The following TCF12 variants were observed in gnomAD, a reference collection of about 807,000 sequenced individuals.
TCF12 encodes the protein transcription factor 12.
TCF12 carries 45 observed loss-of-function variants against 86.0 expected under a neutral mutation model. That is an observed-to-expected ratio of 0.52 (90% CI 0.41 to 0.67). The LOEUF is 0.67. Among genes scored for constraint, TCF12 ranks in the 30% least tolerant of loss-of-function variants. The pLI, the probability that TCF12 is intolerant of heterozygous loss-of-function variation, is 0.00. For synonymous variants in TCF12, 330 were observed against 299.6 expected, an observed-to-expected ratio of 1.10 and a Z score of -1.05; for missense variants, 881 against 859.9, an observed-to-expected ratio of 1.02 and a Z score of -0.31.
At chr15:56,947,038 T>A (rs2061033959) in intron 3 of TCF12, among the ~76,000 whole-genome samples, 1 of 152,200 alleles carries the variant, frequency 6.6e-6, no homozygotes, top group South Asian at 2.1e-4. Flanking sequence ...CCTCAAGTGA[T>A]CTGCCTTCCT....
chr15:57,284,309 G>A (rs2061837373), intron 20 of TCF12, among the ~76,000 whole-genome samples: 2 of 152,056 alleles, frequency 1.3e-5, no homozygotes, highest in Admixed American at 6.6e-5. Context: ...CTGGGTTTGA[G>A]CAATTCTTCC....
chr15:56,933,241 A>T (rs2060323736), intron 3 of TCF12, among the ~76,000 whole-genome samples: 1 of 152,272 alleles, frequency 6.6e-6, no homozygotes, highest in Non-Finnish European at 1.5e-5. Flanking sequence ...GTTATCAAAC[A>T]TACAGAAGAT....
At chr15:56,932,726 A>G (rs752390089) in intron 3 of TCF12, among the ~76,000 whole-genome samples, 2 of 151,836 alleles carry the variant, frequency 1.3e-5, no homozygotes, top group Non-Finnish European at 2.9e-5. Flanking sequence ...CTGCCACCAC[A>G]CTTATTTTTG....
Position 57,202,821 on chromosome 15 carries a change from A to T in TCF12, c.579+4996A>T, listed in dbSNP as rs1027082118. 2.0e-5 allele frequency among the ~76,000 whole-genome samples: 3 copies of T among 152,220 alleles called. No individual in the cohort carries two copies. The East Asian group carries it at 5.8e-4, about 29-fold the overall frequency. The stretch of plus-strand genomic sequence containing the variant: ...GTTTCTATTTGTAAAAGGGGATGAT[A>T]ATGCCTATCTCAGATGTTATTGTGA... On this transcript the variant is annotated intron_variant, in intron 8 of 20. Coordinates refer to ENST00000333725, the MANE Select transcript of TCF12 (RefSeq NM_207037.2).
At chr15:56,990,220 A>G (rs951578140) in intron 3 of TCF12, among the ~76,000 whole-genome samples, 7 of 140,200 alleles carry the variant, frequency 5.0e-5, no homozygotes, top group African/African-American at 1.9e-4. Flanking sequence ...TTTCCAGTTA[A>G]TCTTTATCGT....
intron 16 of TCF12, 127 bp downstream of exon 16, chr15:57,253,595 T>C (rs2060215917): frequency 2.7e-6 from 3 of 1,124,884 alleles, no homozygotes. Context: ...GAATTTTCTT[T>C]ACTGTCTTTG....
At chr15:57,050,975 A>C (rs1321938588) in intron 3 of TCF12, among the ~76,000 whole-genome samples, 1 of 152,118 alleles carries the variant, frequency 6.6e-6, no homozygotes, top group African/African-American at 2.4e-5. Flanking sequence ...TTATTCCACC[A>C]TCTTTGTCAT....
At chr15:56,978,494 A>G (rs899179885) in intron 3 of TCF12, among the ~76,000 whole-genome samples, 3 of 152,218 alleles carry the variant, frequency 2.0e-5, no homozygotes, top group Non-Finnish European at 4.4e-5. Context: ...AGACAAAACA[A>G]TACATTTTTA....
At chr15:57,083,721 A>G (rs2048455841) in intron 4 of TCF12, among the ~76,000 whole-genome samples, 1 of 152,122 alleles carries the variant, frequency 6.6e-6, no homozygotes, top group Admixed American at 6.6e-5. Flanking sequence ...AGTAGCTGGG[A>G]CTATAGGTGT....
intron 3 of TCF12, among the ~76,000 whole-genome samples, chr15:57,053,106 A>G (rs1394988929): frequency 6.6e-6 from 1 of 152,156 alleles, no homozygotes; most frequent in Admixed American, 6.5e-5. Flanking sequence ...TAGTTTCTCT[A>G]CATCCTCATC....
intron 3 of TCF12, among the ~76,000 whole-genome samples, chr15:56,979,361 T>C (rs1367918417): frequency 2.6e-5 from 4 of 152,188 alleles, no homozygotes; most frequent in South Asian, 2.1e-4. Flanking sequence ...CCATTGACTT[T>C]CCTGAGCCCC....
chr15:56,954,342 G>C (rs2061410633), intron 3 of TCF12, among the ~76,000 whole-genome samples: 2 of 152,136 alleles, frequency 1.3e-5, no homozygotes, highest in South Asian at 4.1e-4. Flanking sequence ...TTTAATAAGT[G>C]GTGCTGGGAA....
intron 8 of TCF12, among the ~76,000 whole-genome samples, chr15:57,205,562 G>T (rs1217766609): frequency 6.6e-6 from 1 of 152,202 alleles, no homozygotes; most frequent in Non-Finnish European, 1.5e-5. Flanking sequence ...GAAGGCTACT[G>T]TGATACAAAA....
intron 5 of TCF12, among the ~76,000 whole-genome samples, chr15:57,116,143 C>G (rs1485289423): frequency 6.6e-6 from 1 of 152,124 alleles, no homozygotes; most frequent in African/African-American, 2.4e-5. Flanking sequence ...TTTTACTTGA[C>G]ACTATCAGTA....
intron 3 of TCF12, among the ~76,000 whole-genome samples, chr15:57,022,533 G>C (rs1211223660): frequency 3.9e-5 from 6 of 152,184 alleles, no homozygotes; most frequent in African/African-American, 1.2e-4. Flanking sequence ...ACATACATGT[G>C]CATGTGTCTT....
chr15:57,015,058 G>A, intron 3 of TCF12, among the ~76,000 whole-genome samples: 1 of 152,084 alleles, frequency 6.6e-6, no homozygotes, highest in Admixed American at 6.5e-5. Context: ...GGGATGTGAG[G>A]CAGGCAGATT....
chr15:57,239,494 C>T (rs752365809), intron 12 of TCF12, among the ~76,000 whole-genome samples: 9 of 122,236 alleles, frequency 7.4e-5, no homozygotes, highest in Non-Finnish European at 1.3e-4. Flanking sequence ...TCAGCCTGGG[C>T]AACAGAGCAA....
intron 5 of TCF12, among the ~76,000 whole-genome samples, chr15:57,159,214 G>A (rs769888817): frequency 6.6e-6 from 1 of 152,198 alleles, no homozygotes; most frequent in Non-Finnish European, 1.5e-5. Context: ...TAAGCGACAT[G>A]TTACTTTCCT....
chr15:57,063,055 A>C (rs1488563440), intron 3 of TCF12, among the ~76,000 whole-genome samples: 4 of 152,120 alleles, frequency 2.6e-5, no homozygotes, highest in Admixed American at 2.0e-4. Context: ...ATGCACAATA[A>C]ATTGTTTTGT....
Sources: gnomAD v4.1 joint callset for allele counts (sites outside exome capture counted in the v4.1 genomes callset) on GRCh38, gnomAD v4.1.1 for gene constraint, MANE v1.5 for transcripts, NCBI Gene and HGNC (gene_info 2026-07-23, HGNC 2026-07-21) for gene names.